Variants in SHISAL1 observed in about 807,000 individuals in gnomAD.
SHISAL1 encodes protein shisa-like-1.
SHISAL1 carries 9 observed loss-of-function variants against 22.6 expected under a neutral mutation model. That is an observed-to-expected ratio of 0.40 (90% CI 0.24 to 0.70). The LOEUF (loss-of-function observed/expected upper bound fraction) is 0.70. Ranked by LOEUF, SHISAL1 falls within the 30% of genes least tolerant of loss-of-function variation. SHISAL1 has a pLI of 0.39. For missense variants in SHISAL1, 246 were observed against 270.6 expected, an observed-to-expected ratio of 0.91 and a Z score of 0.64; for synonymous variants, 119 against 115.4, an observed-to-expected ratio of 1.03 and a Z score of -0.20.
chr22:44,264,623 T>G (rs1158656477), intron 4 of SHISAL1, among the ~76,000 whole-genome samples: 1 of 152,206 alleles, frequency 6.6e-6, no homozygotes, highest in Admixed American at 6.5e-5. Flanking sequence ...AGGCCTCTAA[T>G]GTGGCCCAAG....
At chr22:44,284,755 C>G (rs1412290192) in intron 4 of SHISAL1, among the ~76,000 whole-genome samples, 1 of 152,168 alleles carries the variant, frequency 6.6e-6, no homozygotes, top group Non-Finnish European at 1.5e-5. Flanking sequence ...CCAGGGCCGC[C>G]TGGGATTAGG....
intron 4 of SHISAL1, among the ~76,000 whole-genome samples, chr22:44,256,425 G>C (rs892730025): frequency 6.6e-6 from 1 of 152,190 alleles, no homozygotes; most frequent in South Asian, 2.1e-4. Flanking sequence ...TCCCTACAGT[G>C]TGTGCCTTCA....
intron 4 of SHISAL1, among the ~76,000 whole-genome samples, chr22:44,258,763 A>T (rs1469627036): frequency 6.6e-6 from 1 of 152,208 alleles, no homozygotes; most frequent in African/African-American, 2.4e-5. Context: ...TTGCACATAT[A>T]ATGTTGGGTC....
Position 44,246,085 on chromosome 22 carries a change from G to C in SHISAL1, c.*3600C>G, listed in dbSNP as rs2054998445. ...GGTGGCTGGCCTGGCCGCTGGAGCAGCCAGGTGAGGCGGGTGAGAAGGCTG... is the reference window on the plus strand; with the variant it reads ...GGTGGCTGGCCTGGCCGCTGGAGCACCCAGGTGAGGCGGGTGAGAAGGCTG... On this transcript the variant is annotated 3_prime_UTR_variant, in exon 5 of 5. Coordinates refer to ENST00000381176, the MANE Select transcript of SHISAL1 (RefSeq NM_001099294.2). The C allele has an allele frequency of 6.6e-6, 1 of 152,308 alleles. No homozygotes were observed. The highest frequency in any genetic ancestry group is 1.5e-5 in the Non-Finnish European group (1 of 68,090). 9.4% of individuals were successfully genotyped at this position (152,308 alleles called of 1,614,324 possible).
chr22:44,271,724 G>A (rs1316556472), intron 4 of SHISAL1, among the ~76,000 whole-genome samples: 1 of 152,194 alleles, frequency 6.6e-6, no homozygotes, highest in Non-Finnish European at 1.5e-5. Context: ...AAGGGCCCCT[G>A]AACTAAATTG....
chr22:44,309,666 C>G (rs1417624112), intron 1 of SHISAL1, among the ~76,000 whole-genome samples: 1 of 152,198 alleles, frequency 6.6e-6, no homozygotes, highest in Non-Finnish European at 1.5e-5. Flanking sequence ...CACTTGTGTG[C>G]ATGCCTGTCT....
In SHISAL1 at chr22:44,260,274, T is replaced by G. The variant is rs372409276; in HGVS notation, c.*-10589A>C. ...AAAGTCACTTTCTTTCTACTAGACC[T>G]CGTTCTGTTCATTGGATTCTGCAAG... On this transcript the variant is annotated intron_variant, in intron 4 of 4. Coordinates refer to ENST00000381176, the MANE Select transcript of SHISAL1 (RefSeq NM_001099294.2). Among the ~76,000 whole-genome samples the G allele has an allele frequency of 3.9e-5, 6 of 152,350 alleles. No individual in the cohort carries two copies. In the East Asian group the frequency reaches 9.6e-4, roughly 24 times the overall value.
chr22:44,299,440 G>A (rs2147301183), intron 2 of SHISAL1, among the ~76,000 whole-genome samples: 1 of 152,348 alleles, frequency 6.6e-6, no homozygotes, highest in South Asian at 2.1e-4. Context: ...TGGGCTGAGT[G>A]GGTCCGTCCT....
At position 44,245,557 on chromosome 22, in the gene SHISAL1, GCA is replaced by G. The variant is rs2054992464; in HGVS notation, c.*4126_*4127del. On this transcript the variant is annotated 3_prime_UTR_variant, in exon 5 of 5. Coordinates refer to ENST00000381176, the MANE Select transcript of SHISAL1 (RefSeq NM_001099294.2). ...CCCGGGGACCCCGTCTCCTTGAATGGCACAGTCTCTAATAGACAGACATGGTG... is the reference window on the plus strand; with the variant it reads ...CCCGGGGACCCCGTCTCCTTGAATGGCAGTCTCTAATAGACAGACATGGTG... 6.6e-6 allele frequency: 1 copy of G among 152,270 alleles called. No individual in the cohort carries two copies. Among genetic ancestry groups the G allele is most frequent in the Non-Finnish European group, 1.5e-5 (1 of 68,074 alleles). The allele number at this position is 152,270 out of a possible 1,614,324, so 9.4% of individuals were successfully genotyped here. A position where few individuals can be genotyped will look rare whatever the true frequency, so the allele number is the denominator to read the frequency against.
At chr22:44,274,077 C>G (rs2055223201) in intron 4 of SHISAL1, among the ~76,000 whole-genome samples, 1 of 114,652 alleles carries the variant, frequency 8.7e-6, no homozygotes, top group Admixed American at 9.5e-5. Flanking sequence ...CCCACCCTGT[C>G]TCCACTAAAA....
chr22:44,280,136 C>A (rs1171362366), intron 4 of SHISAL1, among the ~76,000 whole-genome samples: 2 of 152,136 alleles, frequency 1.3e-5, no homozygotes, highest in Non-Finnish European at 2.9e-5. Context: ...AATAGGAGTT[C>A]CCCAGGGAGA....
chr22:44,308,448 T>C (rs571759204), intron 1 of SHISAL1, among the ~76,000 whole-genome samples: 38 of 152,242 alleles, frequency 2.5e-4, no homozygotes, highest in Non-Finnish European at 4.3e-4. Context: ...CCTCTGGGTC[T>C]GTGGTGCCTC....
rs2055309257 is a variant in SHISAL1, at chr22:44,285,635, T to C, written c.392A>G (p.Tyr131Cys). The C allele has an allele frequency of 9.9e-6, 16 of 1,614,038 alleles. No individual in the cohort carries two copies. The highest frequency in any genetic ancestry group is 1.3e-5 in the African/African-American group (1 of 74,912). The change falls in exon 4 of 5, where the codon TAC becomes TGC. Residue 131 changes from tyrosine to cysteine, a missense_variant. By Grantham distance (194) the Tyr-to-Cys change is radical. Around this residue, in one of 2 missense-constraint regions of SHISAL1, gnomAD observed 136 missense variants for 117.5 expected, o/e 1.16. Coordinates refer to ENST00000381176, the MANE Select transcript of SHISAL1 (RefSeq NM_001099294.2). ...TCCTTGGATGCCCCACCGTGCCAGG[T>C]AGACCTTGCAGATGTCGTAGTTCAT... The part of the protein sequence containing the change: ...SAMNYDICKV[Y>C]LARWGIQGRW...
intron 4 of SHISAL1, among the ~76,000 whole-genome samples, chr22:44,256,006 G>A (rs1158805111): frequency 6.6e-6 from 1 of 152,194 alleles, no homozygotes; most frequent in Non-Finnish European, 1.5e-5. Flanking sequence ...ACCCGCTGGA[G>A]GCCTAAACAG....
chr22:44,314,158 G>A (rs1223454539), upstream of SHISAL1, among the ~76,000 whole-genome samples: 1 of 150,942 alleles, frequency 6.6e-6, no homozygotes, highest in Non-Finnish European at 1.5e-5. Flanking sequence ...CTCAGACCAG[G>A]GGGTCTGGTG....
At chr22:44,314,890 C>A (rs1327687509), upstream of SHISAL1, among the ~76,000 whole-genome samples, 1 of 152,188 alleles carries the variant, frequency 6.6e-6, no homozygotes, top group Admixed American at 6.5e-5. Flanking sequence ...CGGGGCATCT[C>A]AGCGCTATGA....
rs1415399950 is a variant in SHISAL1, at chr22:44,309,651, G to A, written c.-33+3100C>T. On this transcript the variant is annotated intron_variant, in intron 1 of 4. Transcript: ENST00000381176. ...ACTCATAAGAGTGTTTACCCCTGCA[G>A]GCAGCACTTGTGTGCATGCCTGTCT... 4.6e-5 allele frequency among the ~76,000 whole-genome samples: 7 copies of A among 152,176 alleles called. 1 individual carries two copies. Among genetic ancestry groups the A allele is most frequent in the Admixed American group, 4.6e-4 (7 of 15,284 alleles).
Position 44,249,500 on chromosome 22 carries a change from CCT to C in SHISAL1, c.*183_*184del, listed in dbSNP as rs1019640077. On this transcript the variant is annotated 3_prime_UTR_variant, in exon 5 of 5. Transcript: ENST00000381176. ...CTCCCCTGCACCCCCAGCCCCTACC[CCT>C]GAGTTTGCTCCTAATCTTAGAAGTC... is the stretch of plus-strand genomic sequence containing the variant. The C allele has an allele frequency of 6.4e-5, 35 of 546,056 alleles. No homozygotes were observed. The highest frequency in any genetic ancestry group is 1.0e-4 in the Non-Finnish European group (31 of 296,400). 33.8% of individuals were successfully genotyped at this position (546,056 alleles called of 1,614,324 possible). A position where few individuals can be genotyped will look rare whatever the true frequency, so the allele number is the denominator to read the frequency against.
intron 4 of SHISAL1, 101 bp from the exon 5 acceptor site, chr22:44,249,786 A>G: frequency 2.7e-6 from 2 of 750,708 alleles, no homozygotes; most frequent in South Asian, 1.4e-5. Context: ...TTCTCTGAGC[A>G]TGTGGGTTTT....
Sources: gnomAD v4.1 joint callset for allele counts (sites outside exome capture counted in the v4.1 genomes callset) on GRCh38, gnomAD v4.1.1 for gene constraint, gnomAD v4.1.1 regional missense constraint, MANE v1.5 for transcripts, NCBI Gene and HGNC (gene_info 2026-07-23, HGNC 2026-07-21) for gene names.